SLIT3: variants seen among roughly 807,000 people sequenced by gnomAD.
The protein encoded by SLIT3 is slit homolog 3 protein.
Under a neutral mutation model 184.0 loss-of-function variants are expected in SLIT3, and 68 were observed. The ratio of observed to expected loss-of-function variants is 0.37; its 90% confidence interval spans 0.30 to 0.45. SLIT3 has a LOEUF of 0.45. Among genes scored for constraint, SLIT3 ranks in the 20% least tolerant of loss-of-function variants. The pLI is 1.00. For synonymous variants in SLIT3, 831 were observed against 828.6 expected (o/e 1.00, Z -0.05); for missense variants, 1,707 against 2,026.0 (o/e 0.84, Z 3.02).
chr5:169,008,663 T>G (rs1756025947), intron 4 of SLIT3, among the ~76,000 whole-genome samples: 1 of 152,130 alleles, frequency 6.6e-6, no homozygotes, highest in Admixed American at 6.5e-5. Flanking sequence ...TGTTGTTTTT[T>G]TTTAACTTTT....
rs369228663 is a variant in SLIT3 at position 169,139,591 on chromosome 5, C to T, written c.413+53888G>A. Among the ~76,000 whole-genome samples the T allele has an allele frequency of 1.3e-5, 2 of 152,214 alleles. 1 individual carries two copies. The highest frequency in any genetic ancestry group is 3.9e-4 in the East Asian group (2 of 5,184). On this transcript the variant is annotated intron_variant, in intron 4 of 35. Coordinates refer to ENST00000519560, the MANE Select transcript of SLIT3 (RefSeq NM_003062.4). ...ACTCCTTCCAGCACTAGCCCACCCC[C>T]CCAGGGGCTCCTAGTTGAGCAATCA...
intron 4 of SLIT3, among the ~76,000 whole-genome samples, chr5:169,155,267 AG>A (rs1197802609): frequency 6.6e-6 from 1 of 152,212 alleles, no homozygotes; most frequent in Non-Finnish European, 1.5e-5. Context: ...CAGCTTTTGG[AG>A]GCTGCATTCC....
intron 4 of SLIT3, among the ~76,000 whole-genome samples, chr5:168,903,548 G>T (rs1368290263): frequency 6.6e-6 from 1 of 152,204 alleles, no homozygotes; most frequent in Non-Finnish European, 1.5e-5. Context: ...CCTGCTCTTT[G>T]TTCTACCTGC....
intron 4 of SLIT3, among the ~76,000 whole-genome samples, chr5:169,065,357 T>C (rs1758314464): frequency 4.6e-5 from 7 of 152,180 alleles, no homozygotes; most frequent in Admixed American, 4.6e-4. Flanking sequence ...CCCCATTTGA[T>C]GCCAAATGGT....
chr5:168,851,713 G>T (rs1397835691), intron 5 of SLIT3, among the ~76,000 whole-genome samples: 1 of 152,150 alleles, frequency 6.6e-6, no homozygotes, highest in Non-Finnish European at 1.5e-5. Flanking sequence ...TCCTGTGTTC[G>T]ATCCTGGGAA....
At chr5:169,156,796 A>T (rs913028313) in intron 4 of SLIT3, among the ~76,000 whole-genome samples, 3 of 152,214 alleles carry the variant, frequency 2.0e-5, no homozygotes, top group Admixed American at 2.0e-4. Flanking sequence ...TATTCATCAC[A>T]CTGAGTTGAA....
chr5:169,024,385 A>G (rs1756730211), intron 4 of SLIT3: 1 of 152,228 alleles, frequency 6.6e-6, no homozygotes, highest in East Asian at 1.9e-4. Flanking sequence ...AGCCGTGGGA[A>G]GACAGACATT....
chr5:169,141,250 C>T (rs2113343812), intron 4 of SLIT3, among the ~76,000 whole-genome samples: 1 of 152,282 alleles, frequency 6.6e-6, no homozygotes, highest in Admixed American at 6.5e-5. Context: ...CTGACTACGA[C>T]ATCACCCCAC....
intron 4 of SLIT3, among the ~76,000 whole-genome samples, chr5:168,904,888 T>C (rs1760993964): frequency 6.6e-6 from 1 of 152,156 alleles, no homozygotes; most frequent in African/African-American, 2.4e-5. Flanking sequence ...GATATCCGGC[T>C]GGGTGTGGTG....
chr5:168,701,636 C>A (rs1017814709), intron 26 of SLIT3, among the ~76,000 whole-genome samples: 2 of 152,234 alleles, frequency 1.3e-5, no homozygotes, highest in African/African-American at 2.4e-5. Context: ...CTCTTCTTGG[C>A]CTTCTGGCTC....
At chr5:168,748,231 TG>T in intron 20 of SLIT3, 70 bp downstream of exon 20, 2 of 1,401,920 alleles carry the variant, frequency 1.4e-6, no homozygotes, top group Non-Finnish European at 9.3e-7. Context: ...CTTGAGATTC[TG>T]GGGTAAAGTA....
At position 169,073,486 on chromosome 5, in the gene SLIT3, TC is replaced by T. The variant is rs373698406; in HGVS notation, c.413+119992del. ...CTCTGGGTCTTGGTGGGAGGCAAAG[TC>T]GTCTTCTACAGTAGAATCAGACAAT... On this transcript the variant is annotated intron_variant, in intron 4 of 35. Coordinates refer to ENST00000519560, the MANE Select transcript of SLIT3 (RefSeq NM_003062.4). 6.6e-5 allele frequency among the ~76,000 whole-genome samples: 10 copies of T among 152,058 alleles called. No homozygotes were observed. In the East Asian group the frequency reaches 1.4e-3, roughly 21 times the overall value.
rs574347200 is a variant in SLIT3 at position 169,131,028 on chromosome 5, G to A, written c.413+62451C>T. 3.9e-5 allele frequency among the ~76,000 whole-genome samples: 6 copies of A among 152,256 alleles called. No homozygotes were observed. In the South Asian group the frequency reaches 1.0e-3, roughly 26 times the overall value. On this transcript the variant is annotated intron_variant, in intron 4 of 35. Coordinates refer to ENST00000519560, the MANE Select transcript of SLIT3 (RefSeq NM_003062.4). ...TAAATACACAGTAGTGGTCATCTCCGGAAAAGGGCAGAGTGCCCTTTGAGG... is the reference window on the plus strand; with the variant it reads ...TAAATACACAGTAGTGGTCATCTCCAGAAAAGGGCAGAGTGCCCTTTGAGG...
chr5:168,760,972 T>C lies in SLIT3; in HGVS notation c.1611-36A>G, dbSNP rs138849607. On this transcript the variant is annotated intron_variant, in intron 15 of 35. Coordinates refer to ENST00000519560, the MANE Select transcript of SLIT3 (RefSeq NM_003062.4). The stretch of plus-strand genomic sequence containing the variant: ...AGCAAGATGAGTGGTAGGTTAGCTG[T>C]GGACGAGGCCCCTCCTTCCACCCCC... 2,396 of 1,513,358 alleles carry C rather than the reference T, an allele frequency of 1.6e-3. 6 individuals carry two copies. The highest frequency in any genetic ancestry group is 2.1e-3 in the Non-Finnish European group (2,251 of 1,088,548). 93.7% of individuals were successfully genotyped at this position (1,513,358 alleles called of 1,614,324 possible). A position where few individuals can be genotyped will look rare whatever the true frequency, so the allele number is the denominator to read the frequency against.
intron 4 of SLIT3, among the ~76,000 whole-genome samples, chr5:169,072,823 C>T (rs1312370463): frequency 1.3e-5 from 2 of 152,176 alleles, no homozygotes; most frequent in Admixed American, 6.5e-5. Flanking sequence ...CTTCCTGCCA[C>T]CTTTAGTCAC....
intron 2 of SLIT3, among the ~76,000 whole-genome samples, 184 bp downstream of exon 2, chr5:169,251,204 C>T (rs1453747993): frequency 6.6e-6 from 1 of 152,216 alleles, no homozygotes; most frequent in African/African-American, 2.4e-5. Context: ...CAGCCAGCAG[C>T]ATCTAGACAC....
At chr5:168,967,259 G>T (rs1041717701) in intron 4 of SLIT3, among the ~76,000 whole-genome samples, 1 of 151,622 alleles carries the variant, frequency 6.6e-6, no homozygotes, top group Non-Finnish European at 1.5e-5. Context: ...ACACACACTG[G>T]GGTAAAATTG....
chr5:169,152,203 G>A (rs1164459836), intron 4 of SLIT3, among the ~76,000 whole-genome samples: 1 of 152,170 alleles, frequency 6.6e-6, no homozygotes, highest in African/African-American at 2.4e-5. Context: ...TAACTTCCAG[G>A]AAAACCACAG....
chr5:169,242,291 TC>T (rs1250471732), intron 3 of SLIT3, among the ~76,000 whole-genome samples: 1 of 152,166 alleles, frequency 6.6e-6, no homozygotes, highest in African/African-American at 2.4e-5. Context: ...CTAATGTTCT[TC>T]CTGATTAAGT....
Sources: allele counts gnomAD v4.1 joint callset (sites outside exome capture counted in the v4.1 genomes callset), GRCh38; gene constraint gnomAD v4.1.1; transcripts MANE v1.5; gene names NCBI Gene and HGNC (gene_info 2026-07-23, HGNC 2026-07-21).